TRPS1: variants seen among roughly 807,000 people sequenced by gnomAD.
TRPS1 encodes the protein zinc finger transcription factor Trps1.
TRPS1 carries 6 observed loss-of-function variants against 101.2 expected under a neutral mutation model. The observed-to-expected ratio is 0.06, with a 90% CI of 0.03 to 0.12. The LOEUF (loss-of-function observed/expected upper bound fraction) is 0.12, where lower values mean the gene tolerates loss of function less well. Ranked by LOEUF, TRPS1 falls within the 10% of genes least tolerant of loss-of-function variation. The pLI, the probability that TRPS1 is intolerant of heterozygous loss-of-function variation, is 1.00. For synonymous variants in TRPS1, 578 were observed against 589.8 expected (o/e 0.98, Z 0.29); for missense variants, 1,363 against 1,567.0 (o/e 0.87, Z 2.20).
intron 5 of TRPS1, among the ~76,000 whole-genome samples, chr8:115,514,916 T>G (rs1434812710): frequency 2.0e-5 from 3 of 151,534 alleles, no homozygotes; most frequent in African/African-American, 7.3e-5. Context: ...TCAATTCCAG[T>G]GTAGAAAAAA....
chr8:115,499,655 G>A (rs16887499), intron 5 of TRPS1, among the ~76,000 whole-genome samples: 1 of 152,196 alleles, frequency 6.6e-6, no homozygotes, highest in Non-Finnish European at 1.5e-5. Context: ...GAAACTCGCA[G>A]ATGTCTCTAG....
intron 5 of TRPS1, among the ~76,000 whole-genome samples, chr8:115,559,210 C>T (rs769879321): frequency 1.3e-5 from 2 of 151,982 alleles, no homozygotes; most frequent in African/African-American, 2.4e-5. Flanking sequence ...AATAAAAATG[C>T]CATATTTATT....
chr8:115,585,782 C>T (rs1817548943), intron 5 of TRPS1, among the ~76,000 whole-genome samples: 1 of 152,130 alleles, frequency 6.6e-6, no homozygotes, highest in Non-Finnish European at 1.5e-5. Context: ...CTTTGTTTCT[C>T]TCTGTACAGG....
intron 4 of TRPS1, among the ~76,000 whole-genome samples, chr8:115,588,015 T>C (rs1817606769): frequency 1.3e-5 from 2 of 152,224 alleles, no homozygotes; most frequent in South Asian, 4.1e-4. Flanking sequence ...ATGAATTATA[T>C]CATTTAAGTC....
chr8:115,465,967 G>C (rs1201681463), intron 5 of TRPS1, among the ~76,000 whole-genome samples: 1 of 152,110 alleles, frequency 6.6e-6, no homozygotes, highest in African/African-American at 2.4e-5. Context: ...TCTAGATCAT[G>C]AAGGATTCCT....
intron 5 of TRPS1, among the ~76,000 whole-genome samples, chr8:115,497,779 C>T (rs899150746): frequency 1.1e-4 from 16 of 152,068 alleles, no homozygotes; most frequent in Non-Finnish European, 4.4e-5. Flanking sequence ...TATGTTACAT[C>T]AATAAGCCTT....
intron 1 of TRPS1, among the ~76,000 whole-genome samples, chr8:115,630,529 A>G (rs1818616140): frequency 6.6e-6 from 1 of 151,996 alleles, no homozygotes; most frequent in Non-Finnish European, 1.5e-5. Context: ...TTCTTTCAGA[A>G]TTTAATTGAA....
At chr8:115,620,810 C>T (rs1446359176) in intron 2 of TRPS1, among the ~76,000 whole-genome samples, 2 of 152,184 alleles carry the variant, frequency 1.3e-5, no homozygotes, top group Admixed American at 1.3e-4. Context: ...ATCAGGTTTT[C>T]CTAGGACTCT....
intron 5 of TRPS1, among the ~76,000 whole-genome samples, chr8:115,467,912 A>G (rs1209253863): frequency 1.3e-5 from 2 of 152,136 alleles, no homozygotes; most frequent in African/African-American, 4.8e-5. Context: ...GGCACAACAG[A>G]GATGTTACCC....
At chr8:115,600,243 A>G (rs1383181711) in intron 4 of TRPS1, among the ~76,000 whole-genome samples, 1 of 152,150 alleles carries the variant, frequency 6.6e-6, no homozygotes, top group Non-Finnish European at 1.5e-5. Flanking sequence ...AAACTCCTGT[A>G]TCTGAAGTGA....
intron 5 of TRPS1, among the ~76,000 whole-genome samples, chr8:115,542,933 A>G (rs1816487553): frequency 6.6e-6 from 1 of 152,170 alleles, no homozygotes; most frequent in African/African-American, 2.4e-5. Context: ...TTCTCCTTTC[A>G]ATTTATTGAA....
intron 5 of TRPS1, among the ~76,000 whole-genome samples, chr8:115,542,434 C>A (rs906891635): frequency 6.6e-6 from 1 of 151,672 alleles, no homozygotes; most frequent in African/African-American, 2.4e-5. Context: ...AGCTATTATA[C>A]TAAGATGATT....
At chr8:115,537,599 G>A (rs1480951041) in intron 5 of TRPS1, among the ~76,000 whole-genome samples, 2 of 151,876 alleles carry the variant, frequency 1.3e-5, no homozygotes, top group Non-Finnish European at 1.5e-5. Context: ...TGTTTTGGGG[G>A]ACCCAAATTA....
intron 5 of TRPS1, among the ~76,000 whole-genome samples, chr8:115,506,377 G>T (rs1388218331): frequency 6.6e-6 from 1 of 151,972 alleles, no homozygotes; most frequent in Non-Finnish European, 1.5e-5. Context: ...TTCACTTCTA[G>T]AACTGATTTT....
intron 1 of TRPS1, among the ~76,000 whole-genome samples, chr8:115,655,180 A>G (rs957744070): frequency 6.6e-6 from 1 of 152,192 alleles, no homozygotes; most frequent in Non-Finnish European, 1.5e-5. Flanking sequence ...ATAAAACATG[A>G]CCCAATGTTC....
intron 5 of TRPS1, among the ~76,000 whole-genome samples, chr8:115,487,784 G>A (rs1312303628): frequency 2.0e-5 from 3 of 152,094 alleles, no homozygotes; most frequent in East Asian, 3.9e-4. Context: ...TGCTTCTTAT[G>A]GATGAGCAAA....
At chr8:115,450,597 T>C (rs560874033) in intron 5 of TRPS1, among the ~76,000 whole-genome samples, 1 of 152,262 alleles carries the variant, frequency 6.6e-6, no homozygotes, top group African/African-American at 2.4e-5. Context: ...CTCCTTTTTA[T>C]AAATTTAGAA....
intron 1 of TRPS1, among the ~76,000 whole-genome samples, chr8:115,624,909 A>C (rs1818471947): frequency 6.6e-6 from 1 of 151,700 alleles, no homozygotes; most frequent in Non-Finnish European, 1.5e-5. Context: ...CATTATCTAG[A>C]TACTGTAAAT....
chr8:115,596,805 TATG>T (rs769293318), intron 4 of TRPS1, among the ~76,000 whole-genome samples: 30 of 152,036 alleles, frequency 2.0e-4, no homozygotes, highest in Non-Finnish European at 3.7e-4. Context: ...TATGCATGCA[TATG>T]ATATTCATAT....
Sources: gnomAD v4.1 joint callset for allele counts (sites outside exome capture counted in the v4.1 genomes callset) on GRCh38, gnomAD v4.1.1 for gene constraint, MANE v1.5 for transcripts, NCBI Gene and HGNC (gene_info 2026-07-23, HGNC 2026-07-21) for gene names.